Variants in DPP10 observed in about 807,000 individuals in gnomAD.
DPP10 encodes the protein dipeptidyl peptidase like 10.
Under a neutral mutation model 120.9 loss-of-function variants are expected in DPP10, and 33 were observed. The ratio of observed to expected loss-of-function variants is 0.27; its 90% confidence interval spans 0.21 to 0.37. DPP10 has a LOEUF of 0.37. Among genes scored for constraint, DPP10 ranks in the 10% least tolerant of loss-of-function variants. The pLI, the probability that DPP10 is intolerant of heterozygous loss-of-function variation, is 1.00. For missense variants in DPP10, 816 were observed against 942.8 expected, an observed-to-expected ratio of 0.87 and a Z score of 1.76; for synonymous variants, 337 against 326.1, an observed-to-expected ratio of 1.03 and a Z score of -0.36.
intron 1 of DPP10, among the ~76,000 whole-genome samples, chr2:115,242,523 C>A (rs902497994): frequency 6.6e-6 from 1 of 152,084 alleles, no homozygotes; most frequent in African/African-American, 2.4e-5. Context: ...TGGGTAGATA[C>A]CCAACAGTGT....
At chr2:115,244,855 A>G (rs1490813395) in intron 1 of DPP10, among the ~76,000 whole-genome samples, 3 of 143,310 alleles carry the variant, frequency 2.1e-5, no homozygotes, top group Non-Finnish European at 4.6e-5. Flanking sequence ...ACATATATAT[A>G]TAATTTCATT....
chr2:115,789,844 G>C (rs1307269261), intron 17 of DPP10, among the ~76,000 whole-genome samples: 1 of 152,066 alleles, frequency 6.6e-6, no homozygotes, highest in African/African-American at 2.4e-5. Context: ...TTAAAATGCT[G>C]TTTAAAGTAA....
chr2:115,638,203 C>T (rs2086508725), intron 5 of DPP10, among the ~76,000 whole-genome samples: 1 of 152,176 alleles, frequency 6.6e-6, no homozygotes, highest in African/African-American at 2.4e-5. Flanking sequence ...GTTGATTGCA[C>T]ATTTCTTGTT....
intron 1 of DPP10, among the ~76,000 whole-genome samples, chr2:115,218,605 T>C (rs2056962984): frequency 1.3e-5 from 2 of 152,138 alleles, no homozygotes; most frequent in East Asian, 3.9e-4. Flanking sequence ...TGCATCAGGC[T>C]ATAGCTTTCA....
chr2:115,094,370 G>A (rs1159306168), intron 1 of DPP10, among the ~76,000 whole-genome samples: 1 of 152,086 alleles, frequency 6.6e-6, no homozygotes, highest in Non-Finnish European at 1.5e-5. Flanking sequence ...TATCTGGACT[G>A]AGGTATATAT....
chr2:115,818,490 T>C (rs949048012), intron 21 of DPP10, among the ~76,000 whole-genome samples: 5 of 152,136 alleles, frequency 3.3e-5, no homozygotes, highest in Admixed American at 3.3e-4. Context: ...CATGGAAATT[T>C]AGAGAAGATT....
chr2:115,674,755 G>A (rs986812679), intron 5 of DPP10, among the ~76,000 whole-genome samples: 10 of 152,104 alleles, frequency 6.6e-5, no homozygotes, highest in Non-Finnish European at 1.2e-4. Flanking sequence ...CATGCTATGA[G>A]GAACCTTACA....
Position 114,546,416 on chromosome 2 carries a change from G to GA in DPP10, c.60+103584dup, listed in dbSNP as rs796284870. On this transcript the variant is annotated intron_variant, in intron 1 of 25. Coordinates refer to ENST00000410059, the MANE Select transcript of DPP10 (RefSeq NM_020868.6). Reference sequence around the variant, plus strand: ...AGAGGGATGGTGCCAAACCATTCACGAAAAAATCATGATCCAATCAGCCTC... The same window carrying GA: ...AGAGGGATGGTGCCAAACCATTCACGAAAAAAATCATGATCCAATCAGCCTC... Among the ~76,000 whole-genome samples the GA allele has an allele frequency of 2.9e-4, 44 of 152,190 alleles. 1 individual carries two copies. Among genetic ancestry groups the GA allele is most frequent in the African/African-American group, 1.0e-3 (42 of 41,530 alleles).
At chr2:115,217,099 T>C (rs2105388191) in intron 1 of DPP10, among the ~76,000 whole-genome samples, 1 of 152,246 alleles carries the variant, frequency 6.6e-6, no homozygotes, top group African/African-American at 2.4e-5. Context: ...TCTCATCTTC[T>C]CACAGATAAT....
At chr2:114,909,264 G>C (rs539110669) in intron 1 of DPP10, among the ~76,000 whole-genome samples, 49 of 151,972 alleles carry the variant, frequency 3.2e-4, no homozygotes, top group African/African-American at 1.2e-3. Context: ...AGTACCTATT[G>C]CATTTCTGAT....
At chr2:114,782,548 T>C (rs1006037215) in intron 1 of DPP10, among the ~76,000 whole-genome samples, 3 of 152,022 alleles carry the variant, frequency 2.0e-5, no homozygotes, top group Non-Finnish European at 4.4e-5. Context: ...TTGACTAATA[T>C]TGACCTATTT....
intron 5 of DPP10, among the ~76,000 whole-genome samples, chr2:115,535,797 G>A (rs900725922): frequency 1.3e-5 from 2 of 151,950 alleles, no homozygotes; most frequent in African/African-American, 2.4e-5. Flanking sequence ...CTTGAGCAGC[G>A]ATTTGTAGTT....
chr2:114,598,945 G>A (rs1039530009), intron 1 of DPP10, among the ~76,000 whole-genome samples: 5 of 151,870 alleles, frequency 3.3e-5, no homozygotes, highest in Admixed American at 6.6e-5. Flanking sequence ...GTTTCCTCCC[G>A]GTGGATAAGA....
intron 1 of DPP10, among the ~76,000 whole-genome samples, chr2:114,962,119 ACTT>A (rs1342445613): frequency 8.6e-5 from 13 of 151,940 alleles, no homozygotes; most frequent in African/African-American, 1.7e-4. Context: ...TACTCTTTTT[ACTT>A]CTTCTCACTT....
At chr2:115,686,761 G>A (rs1176923340) in intron 5 of DPP10, among the ~76,000 whole-genome samples, 1 of 151,918 alleles carries the variant, frequency 6.6e-6, no homozygotes, top group Non-Finnish European at 1.5e-5. Flanking sequence ...ATGGTATATT[G>A]GAATTCTGTC....
intron 1 of DPP10, among the ~76,000 whole-genome samples, chr2:115,274,383 T>C (rs2059823492): frequency 6.6e-6 from 1 of 152,168 alleles, no homozygotes; most frequent in South Asian, 2.1e-4. Context: ...ATCCTCTCTT[T>C]TTCCCTGGTG....
chr2:115,573,830 CAGGTGTGAGTCA>C lies in DPP10; in HGVS notation c.441+47859_441+47870del, dbSNP rs560691172. On this transcript the variant is annotated intron_variant, in intron 5 of 25. Coordinates refer to ENST00000410059, the MANE Select transcript of DPP10 (RefSeq NM_020868.6). ...TTGACCTCTCAAAATGCTGGAATGACAGGTGTGAGTCATCACGCCTGGCCAAGTATTTTTAAA... is the reference window on the plus strand; with the variant it reads ...TTGACCTCTCAAAATGCTGGAATGACTCACGCCTGGCCAAGTATTTTTAAA... Among the ~76,000 whole-genome samples, 368 of 152,220 alleles carry C rather than the reference CAGGTGTGAGTCA, an allele frequency of 2.4e-3. 1 individual carries two copies. Among genetic ancestry groups the C allele is most frequent in the Admixed American group, 6.7e-3 (103 of 15,306 alleles).
chr2:114,831,022 ATTTTTTTTTTTTTTT>A lies in DPP10; in HGVS notation c.60+388206_60+388220del, dbSNP rs70941010. Among the ~76,000 whole-genome samples the A allele has an allele frequency of 9.9e-3, 453 of 45,962 alleles. 3 individuals are homozygous for A. Among genetic ancestry groups the A allele is most frequent in the African/African-American group, 0.036 (421 of 11,608 alleles). 30.2% of individuals were successfully genotyped at this position (45,962 alleles called of 152,430 possible). ...GGAATATTTAAACATCCATGCAAAG[ATTTTTTTTTTTTTTT>A]TTTTTTTTTTTTTTTTTTTTTGCTA... On this transcript the variant is annotated intron_variant, in intron 1 of 25. Transcript: ENST00000410059.
intron 1 of DPP10, among the ~76,000 whole-genome samples, chr2:114,459,302 T>C (rs376514785): frequency 1.1e-4 from 17 of 152,314 alleles, no homozygotes; most frequent in East Asian, 9.6e-4. Context: ...CTGGCTCTTA[T>C]GCCAGGACAG....
Sources: gnomAD v4.1 joint callset for allele counts (sites outside exome capture counted in the v4.1 genomes callset) on GRCh38, gnomAD v4.1.1 for gene constraint, MANE v1.5 for transcripts, NCBI Gene and HGNC (gene_info 2026-07-23, HGNC 2026-07-21) for gene names.